The following EFCAB6 variants were observed in gnomAD, a reference collection of about 807,000 sequenced individuals.
EFCAB6 encodes EF-hand calcium binding domain 6.
In EFCAB6, 156 loss-of-function variants were observed where a neutral mutation model predicts 169.8. The ratio of observed to expected loss-of-function variants is 0.92; its 90% confidence interval spans 0.81 to 1.05. The LOEUF (loss-of-function observed/expected upper bound fraction) is 1.05, where lower values mean the gene tolerates loss of function less well. EFCAB6 is among the 50% of genes least tolerant of loss of function. The pLI is 0.00. For missense variants in EFCAB6, 1,800 were observed against 1,829.1 expected (o/e 0.98, Z 0.29); for synonymous variants, 698 against 676.4 (o/e 1.03, Z -0.50).
intron 24 of EFCAB6, among the ~76,000 whole-genome samples, chr22:43,589,280 C>CAAAAAAAAAAAAA (rs1163346832): frequency 4.9e-5 from 4 of 80,950 alleles, no homozygotes; most frequent in African/African-American, 7.5e-5. Flanking sequence ...GACTTCATGT[C>CAAAAAAAAAAAAA]AAAAAAAAAA....
At chr22:43,679,667 T>C (rs982941202) in intron 12 of EFCAB6, among the ~76,000 whole-genome samples, 3 of 152,212 alleles carry the variant, frequency 2.0e-5, no homozygotes, top group Non-Finnish European at 4.4e-5. Context: ...TCTTTTTGAT[T>C]ATAGCCATCC....
Position 43,704,411 on chromosome 22 carries a change from T to C in EFCAB6, c.1031+7064A>G, listed in dbSNP as rs547424296. Among the ~76,000 whole-genome samples, 63 of 152,202 alleles carry C rather than the reference T, an allele frequency of 4.1e-4. 1 individual carries two copies. The South Asian group carries it at 0.011, about 26-fold the overall frequency. ...AACAAAAGGCTGCTAATTATTAACA[T>C]AAAAGTTACAAAAACACAAAACTCA... is the stretch of plus-strand genomic sequence containing the variant. On this transcript the variant is annotated intron_variant, in intron 10 of 31. Transcript: ENST00000262726.
intron 6 of EFCAB6, among the ~76,000 whole-genome samples, chr22:43,754,526 C>T (rs536483131): frequency 6.6e-6 from 1 of 152,330 alleles, no homozygotes; most frequent in Admixed American, 6.5e-5. Context: ...TGTTTGTTCT[C>T]ATAGGCAATT....
intron 3 of EFCAB6, 115 bp downstream of exon 3, chr22:43,782,065 A>C: frequency 1.3e-5 from 14 of 1,059,518 alleles, no homozygotes; most frequent in Non-Finnish European, 1.9e-5. Flanking sequence ...CCTAATTCAT[A>C]GAGTTATTGT....
chr22:43,761,996 T>G (rs933204379), intron 5 of EFCAB6, among the ~76,000 whole-genome samples: 2 of 152,232 alleles, frequency 1.3e-5, no homozygotes, highest in Non-Finnish European at 2.9e-5. Flanking sequence ...CTGATGTTAC[T>G]TGGCACTTTA....
At chr22:43,730,834 C>A (rs2147611660) in intron 8 of EFCAB6, among the ~76,000 whole-genome samples, 1 of 152,304 alleles carries the variant, frequency 6.6e-6, no homozygotes, top group South Asian at 2.1e-4. Context: ...CTGGAGTCTG[C>A]TCTAAGCAAG....
intron 6 of EFCAB6, among the ~76,000 whole-genome samples, chr22:43,737,417 G>A (rs922400472): frequency 7.3e-6 from 1 of 137,628 alleles, no homozygotes; most frequent in Admixed American, 7.4e-5. Flanking sequence ...CACAGATACA[G>A]GCATACACAC....
chr22:43,778,538 G>A (rs1259050946), intron 3 of EFCAB6, among the ~76,000 whole-genome samples: 1 of 152,186 alleles, frequency 6.6e-6, no homozygotes, highest in Non-Finnish European at 1.5e-5. Flanking sequence ...AGCCACAGCA[G>A]AGCTGGACAA....
At chr22:43,575,135 C>G (rs2050155473) in intron 26 of EFCAB6, among the ~76,000 whole-genome samples, 1 of 152,060 alleles carries the variant, frequency 6.6e-6, no homozygotes, top group East Asian at 1.9e-4. Context: ...CGAATGGCAG[C>G]ATGTTATTCA....
intron 17 of EFCAB6, among the ~76,000 whole-genome samples, chr22:43,647,556 A>G: frequency 6.6e-6 from 1 of 152,294 alleles, no homozygotes; most frequent in South Asian, 2.1e-4. Context: ...TGTACCCCAA[A>G]AGGTATAATG....
chr22:43,729,947 A>G (rs191284037), intron 8 of EFCAB6, among the ~76,000 whole-genome samples: 54 of 152,034 alleles, frequency 3.6e-4, no homozygotes, highest in Admixed American at 3.5e-3. Context: ...GGATCACTTA[A>G]GCACAGGAGT....
chr22:43,636,986 A>C (rs1407284262), intron 17 of EFCAB6, among the ~76,000 whole-genome samples: 2 of 152,150 alleles, frequency 1.3e-5, no homozygotes, highest in Non-Finnish European at 2.9e-5. Context: ...AGAAGAGAGG[A>C]GATGAAAATG....
chr22:43,752,116 ATTT>A (rs33992120), intron 6 of EFCAB6, among the ~76,000 whole-genome samples: 2 of 123,446 alleles, frequency 1.6e-5, no homozygotes, highest in African/African-American at 6.2e-5. Flanking sequence ...TCTCCTTTCC[ATTT>A]TTTTTTTTTT....
chr22:43,737,840 C>T (rs1449184556), intron 6 of EFCAB6, among the ~76,000 whole-genome samples: 1 of 149,562 alleles, frequency 6.7e-6, no homozygotes, highest in Admixed American at 6.7e-5. Flanking sequence ...TACTCACACA[C>T]ATATATTCTC....
At chr22:43,765,674 GCATA>G (rs2061306100) in intron 4 of EFCAB6, among the ~76,000 whole-genome samples, 1 of 151,870 alleles carries the variant, frequency 6.6e-6, no homozygotes, top group African/African-American at 2.4e-5. Context: ...TAAAAAATAA[GCATA>G]AATATACTCT....
chr22:43,551,195 G>A (rs1415367122), intron 27 of EFCAB6, among the ~76,000 whole-genome samples: 2 of 152,148 alleles, frequency 1.3e-5, no homozygotes, highest in Non-Finnish European at 2.9e-5. Flanking sequence ...TGACCCCCAC[G>A]TCACACTTTG....
intron 30 of EFCAB6, among the ~76,000 whole-genome samples, chr22:43,531,376 A>C (rs1769217604): frequency 6.6e-6 from 1 of 152,206 alleles, no homozygotes. Flanking sequence ...CCAATTTGAA[A>C]ATAGTTTGAG....
intron 17 of EFCAB6, among the ~76,000 whole-genome samples, chr22:43,650,573 G>A (rs2148052848): frequency 6.6e-6 from 1 of 152,308 alleles, no homozygotes; most frequent in East Asian, 1.9e-4. Context: ...GTGGGGCATT[G>A]CTGAAAAGAT....
At chr22:43,775,088 G>C (rs950618866) in intron 3 of EFCAB6, among the ~76,000 whole-genome samples, 21 of 152,064 alleles carry the variant, frequency 1.4e-4, no homozygotes, top group African/African-American at 4.8e-4. Context: ...GACTTCACAT[G>C]AATAAAAGAA....
Sources: gnomAD v4.1 joint callset for allele counts (sites outside exome capture counted in the v4.1 genomes callset) on GRCh38, gnomAD v4.1.1 for gene constraint, MANE v1.5 for transcripts, NCBI Gene and HGNC (gene_info 2026-07-23, HGNC 2026-07-21) for gene names.